Variants in TTC31 observed in about 807,000 individuals in gnomAD.
The protein encoded by TTC31 is tetratricopeptide repeat protein 31.
A neutral mutation model predicts 60.4 loss-of-function variants in TTC31; 59 were observed. The ratio of observed to expected loss-of-function variants is 0.98; its 90% confidence interval spans 0.79 to 1.21. The LOEUF (loss-of-function observed/expected upper bound fraction) is 1.21. Ranked by LOEUF, TTC31 falls within the 50% of genes most tolerant of loss-of-function variation. The pLI is 0.00. For missense variants in TTC31, 672 were observed against 646.9 expected (o/e 1.04, Z -0.42); for synonymous variants, 225 against 249.6 (o/e 0.90, Z 0.93).
At position 74,490,660 on chromosome 2, in the gene TTC31, C is replaced by T. The variant is rs1673746353; in HGVS notation, c.467C>T (p.Ala156Val). 1.2e-6 allele frequency: 2 copies of T among 1,613,668 alleles called. No homozygotes were observed. The highest frequency in any genetic ancestry group is 1.7e-5 in the Admixed American group (1 of 59,936). ...CACCTGCCCTTCGTCCTTCAGGAAG[C>T]CAATCGCCTGGCTGAGGAGCTGGTG... ...PQKLLVTEEE[A>V]NRLAEELVAE... Residue 156 changes from alanine to valine, a missense_variant, in exon 5 of 13, where the codon GCC becomes GTC. Physicochemically the swap from Ala to Val is moderately conservative, Grantham distance 64. Coordinates refer to ENST00000233623, the MANE Select transcript of TTC31 (RefSeq NM_022492.6).
intron 5 of TTC31, 142 bp downstream of exon 5, chr2:74,490,881 TG>T: frequency 2.1e-6 from 2 of 967,290 alleles, no homozygotes; most frequent in Non-Finnish European, 3.1e-6. Context: ...GCCCAGGGAC[TG>T]GGGGGTCTCT....
Position 74,488,980 on chromosome 2 carries a change from C to T in TTC31, c.130-1045C>T, listed in dbSNP as rs140723858. 4.9e-3 allele frequency among the ~76,000 whole-genome samples: 742 copies of T among 152,210 alleles called. 10 individuals carry two copies. The highest frequency in any genetic ancestry group is 0.016 in the African/African-American group (649 of 41,542). On this transcript the variant is annotated intron_variant, in intron 2 of 12. Coordinates refer to ENST00000233623, the MANE Select transcript of TTC31 (RefSeq NM_022492.6). ...GTGAGGCAGGAGAATCGCTTGAACA[C>T]GGGAGGCAGAGGTTGCAGTGAGTTG...
chr2:74,493,363 G>T lies in TTC31; in HGVS notation c.*145G>T. 1.1e-6 allele frequency: 1 copy of T among 881,560 alleles called. No homozygotes were observed. Among genetic ancestry groups the T allele is most frequent in the Non-Finnish European group, 1.7e-6 (1 of 597,176 alleles). The allele number at this position is 881,560 out of a possible 1,614,324, so 54.6% of individuals were successfully genotyped here. A position where few individuals can be genotyped will look rare whatever the true frequency, so the allele number is the denominator to read the frequency against. ...CCCTGGCAGTCATTCCTCTTGCCAT[G>T]GGGAAGCTTCTGATGAGAGAAAGGA... On this transcript the variant is annotated 3_prime_UTR_variant, in exon 13 of 13. Transcript: ENST00000233623.
Position 74,490,175 on chromosome 2 carries a change from G to C in TTC31, c.232+48G>C, listed in dbSNP as rs761076050. ...CCAGGGATCGAGGCTGGTACCCTGG[G>C]AGGGCTGACCCTCAGATGCACCCCG... On this transcript the variant is annotated intron_variant, in intron 3 of 12. Coordinates refer to ENST00000233623, the MANE Select transcript of TTC31 (RefSeq NM_022492.6). 2.9e-5 allele frequency: 47 copies of C among 1,611,634 alleles called. 1 individual carries two copies. In the South Asian group the frequency reaches 5.2e-4, roughly 18 times the overall value.
chr2:74,491,014 GATA>G, intron 5 of TTC31, 111 bp from the exon 6 acceptor site: 4 of 1,414,260 alleles, frequency 2.8e-6, no homozygotes, highest in Non-Finnish European at 3.0e-6. Context: ...GCAAAATGAG[GATA>G]ATAATGATGC....
chr2:74,483,307 C>CTTCCT lies in TTC31; in HGVS notation c.41-9_41-5dup. The CTTCCT allele has an allele frequency of 6.2e-7, 1 of 1,613,978 alleles. No homozygotes were observed. The highest frequency in any genetic ancestry group is 8.5e-7 in the Non-Finnish European group (1 of 1,180,036). On this transcript the variant is annotated splice_polypyrimidine_tract_variant and intron_variant, in intron 1 of 12. Transcript: ENST00000233623. Reference sequence around the variant, plus strand: ...CCCGAGCCCGCTGACGAGGCTCCGCCTTCCTTTCCTGTAGACTGCTCTCTA... The same window carrying CTTCCT: ...CCCGAGCCCGCTGACGAGGCTCCGCCTTCCTTTCCTTTCCTGTAGACTGCTCTCTA...
rs577942207 is a variant in TTC31, at chr2:74,490,613, C to T, written c.463-43C>T. On this transcript the variant is annotated intron_variant, in intron 4 of 12. Transcript: ENST00000233623. The stretch of plus-strand genomic sequence containing the variant: ...CCCCTTTCATGTTTGCTCTCCATTT[C>T]CCTGTTTCTCTCTTTTTCTGTCACC... 2.5e-6 allele frequency: 4 copies of T among 1,601,380 alleles called. No homozygotes were observed. In the Admixed American group the frequency reaches 6.9e-5, roughly 27 times the overall value.
In TTC31 at chr2:74,483,731, CTT is replaced by C. The variant is rs539465061; in HGVS notation, c.129+323_129+324del. On this transcript the variant is annotated intron_variant, in intron 2 of 12. Transcript: ENST00000233623. ...GTGGCTTGTGCCTGTAATCTCAACA[CTT>C]TGGGAGGCTGAGACGGGAGGATTGC... is the stretch of plus-strand genomic sequence containing the variant. 579 of 640,218 alleles carry C rather than the reference CTT, an allele frequency of 9.0e-4. 2 individuals are homozygous for C. In the African/African-American group the frequency reaches 0.01, roughly 12 times the overall value. 39.7% of individuals were successfully genotyped at this position (640,218 alleles called of 1,614,324 possible).
In TTC31 at chr2:74,493,259, C is replaced by T. The variant is rs760139787; in HGVS notation, c.*41C>T. 2.3e-5 allele frequency: 37 copies of T among 1,591,370 alleles called. No homozygotes were observed. In the African/African-American group the frequency reaches 3.1e-4, roughly 13 times the overall value. ...TCATAGGGCAGGGCCATGTATATATCCCTTGGTGGGGGACATAGTGTGGTG... is the reference window on the plus strand; with the variant it reads ...TCATAGGGCAGGGCCATGTATATATTCCTTGGTGGGGGACATAGTGTGGTG... On this transcript the variant is annotated 3_prime_UTR_variant, in exon 13 of 13. Coordinates refer to ENST00000233623, the MANE Select transcript of TTC31 (RefSeq NM_022492.6).
Position 74,490,096 on chromosome 2 carries a change from G to A in TTC31, c.201G>A (p.Gly67=), listed in dbSNP as rs1263717271. 1.3e-6 allele frequency: 2 copies of A among 1,592,106 alleles called. No homozygotes were observed. The highest frequency in any genetic ancestry group is 1.8e-5 in the Admixed American group (1 of 55,536). Reference sequence around the variant, plus strand: ...GCCTGCACCGGATCCATGTGGATGGGAGCAGCGGGCGGCTGCAGCTGTGGC... The same window carrying A: ...GCCTGCACCGGATCCATGTGGATGGAAGCAGCGGGCGGCTGCAGCTGTGGC... ...PQGLHRIHVD[G]SSGRLQLWHH... is the part of the protein sequence containing the mutation. The change falls in exon 3 of 13, where the codon GGG becomes GGA. Residue 67 remains glycine, a synonymous_variant. Transcript: ENST00000233623.
intron 2 of TTC31, among the ~76,000 whole-genome samples, chr2:74,484,649 G>T (rs1359871000): frequency 2.6e-5 from 4 of 152,032 alleles, no homozygotes; most frequent in Non-Finnish European, 5.9e-5. Context: ...AGTAGAGACT[G>T]GGTTTCACCA....
chr2:74,492,350 G>A lies in TTC31; in HGVS notation c.1066G>A (p.Ala356Thr). Residue 356 changes from alanine (A) to threonine (T), a missense_variant, in exon 11 of 13, where the codon GCG becomes ACG. Ala to Thr is a moderately conservative substitution (Grantham distance 58). Transcript: ENST00000233623. Reference sequence around the variant, plus strand: ...CTGCCATGAGCGGTTGGGTCAGCCAGCGTGGGCCCTGGCTGATGCCCAGGT... The same window carrying A: ...CTGCCATGAGCGGTTGGGTCAGCCAACGTGGGCCCTGGCTGATGCCCAGGT... ...SFCHERLGQPAWALADAQVAL... is the reference protein window; with the variant it reads ...SFCHERLGQPTWALADAQVAL... The A allele has an allele frequency of 6.4e-7, 1 of 1,565,854 alleles. No individual in the cohort carries two copies. The highest frequency in any genetic ancestry group is 8.7e-7 in the Non-Finnish European group (1 of 1,153,198).
rs1376367562 is a variant in TTC31, at chr2:74,490,108, G to T, written c.213G>T (p.Arg71=). The change falls in exon 3 of 13, where the codon CGG becomes CGT. Residue 71 remains arginine (R), a synonymous_variant. Coordinates refer to ENST00000233623, the MANE Select transcript of TTC31 (RefSeq NM_022492.6). ...TCCATGTGGATGGGAGCAGCGGGCG[G>T]CTGCAGCTGTGGCACCATGGTGGGG... The part of the protein sequence containing the change: ...HRIHVDGSSG[R]LQLWHHDYLL... 2 of 1,595,240 alleles carry T rather than the reference G, an allele frequency of 1.3e-6. No homozygotes were observed.
chr2:74,490,089 T>A lies in TTC31; in HGVS notation c.194T>A (p.Val65Glu). Residue 65 changes from valine to glutamate, a missense_variant, in exon 3 of 13, where the codon GTG becomes GAG. Coordinates refer to ENST00000233623, the MANE Select transcript of TTC31 (RefSeq NM_022492.6). ...SDPQGLHRIH[V>E]DGSSGRLQLW... ...CCCCAGGGCCTGCACCGGATCCATG[T>A]GGATGGGAGCAGCGGGCGGCTGCAG... The A allele has an allele frequency of 6.3e-7, 1 of 1,591,312 alleles. No individual in the cohort carries two copies. Among genetic ancestry groups the A allele is most frequent in the African/African-American group, 1.3e-5 (1 of 74,618 alleles).
chr2:74,489,926 G>T, intron 2 of TTC31, 99 bp from the exon 3 acceptor site: 2 of 829,128 alleles, frequency 2.4e-6, no homozygotes, highest in Non-Finnish European at 4.0e-6. Flanking sequence ...ATAGCTGGTT[G>T]GTGGCTGCCA....
At position 74,492,255 on chromosome 2, in the gene TTC31, G is replaced by A. The variant is rs775264607; in HGVS notation, c.1019+26G>A. On this transcript the variant is annotated intron_variant, in intron 10 of 12. Coordinates refer to ENST00000233623, the MANE Select transcript of TTC31 (RefSeq NM_022492.6). ...GTAGGTGGGGGCTTGGCCAGGGCAG[G>A]GCAGAGTGTTGAGGACTCAGACCTT... is the stretch of plus-strand genomic sequence containing the variant. The A allele has an allele frequency of 2.4e-5, 39 of 1,613,954 alleles. No homozygotes were observed. The South Asian group carries it at 3.7e-4, about 15-fold the overall frequency.
intron 1 of TTC31, 33 bp from the exon 2 acceptor site, chr2:74,483,289 C>G (rs534915022): frequency 1.9e-6 from 3 of 1,613,546 alleles, no homozygotes; most frequent in South Asian, 2.2e-5. Context: ...TGTCCCGAGC[C>G]CGCTGACGAG....
intron 5 of TTC31, 23 bp from the exon 6 acceptor site, chr2:74,491,105 C>A: frequency 1.2e-6 from 2 of 1,614,104 alleles, no homozygotes; most frequent in Admixed American, 1.7e-5. Context: ...CAAAATACAT[C>A]ATTGTTACCA....
At position 74,492,243 on chromosome 2, in the gene TTC31, T is replaced by G; in HGVS notation, c.1019+14T>G. 2 of 1,614,236 alleles carry G rather than the reference T, an allele frequency of 1.2e-6. No homozygotes were observed. The highest frequency in any genetic ancestry group is 1.7e-6 in the Non-Finnish European group (2 of 1,180,038). On this transcript the variant is annotated intron_variant, in intron 10 of 12. Coordinates refer to ENST00000233623, the MANE Select transcript of TTC31 (RefSeq NM_022492.6). ...CCAGGACCACCGGTAGGTGGGGGCTTGGCCAGGGCAGGGCAGAGTGTTGAG... is the reference window on the plus strand; with the variant it reads ...CCAGGACCACCGGTAGGTGGGGGCTGGGCCAGGGCAGGGCAGAGTGTTGAG...
Sources: gnomAD v4.1 joint callset for allele counts (sites outside exome capture counted in the v4.1 genomes callset) on GRCh38, gnomAD v4.1.1 for gene constraint, MANE v1.5 for transcripts, NCBI Gene and HGNC (gene_info 2026-07-23, HGNC 2026-07-21) for gene names.